RGS5: variants seen among roughly 807,000 people sequenced by gnomAD.
RGS5 encodes regulator of G-protein signalling 5.
In RGS5, 20 loss-of-function variants were observed where a neutral mutation model predicts 18.9. That is an observed-to-expected ratio of 1.06 (90% CI 0.74 to 1.54). The LOEUF (loss-of-function observed/expected upper bound fraction) is 1.54, where lower values mean the gene tolerates loss of function less well. Ranked by LOEUF, RGS5 falls within the 40% of genes most tolerant of loss-of-function variation. The probability of loss-of-function intolerance (pLI) is 0.00; values close to 1 mark genes in which losing one functional copy is unlikely to be tolerated. For missense variants in RGS5, 201 were observed against 211.8 expected (o/e 0.95, Z 0.32); for synonymous variants, 57 against 76.2 (o/e 0.75, Z 1.31).
intron 1 of RGS5, among the ~76,000 whole-genome samples, chr1:163,174,240 C>T (rs1658439096): frequency 6.6e-6 from 1 of 152,174 alleles, no homozygotes; most frequent in Admixed American, 6.5e-5. Flanking sequence ...GCATTTATAT[C>T]TCCATATGTA....
chr1:163,236,127 C>T (rs10917705), intron 2 of RGS5, among the ~76,000 whole-genome samples: 102 of 152,256 alleles, frequency 6.7e-4, no homozygotes, highest in African/African-American at 2.4e-3. Flanking sequence ...CATATTTCTT[C>T]TAAATTTTGT....
At position 163,164,436 on chromosome 1, in the gene RGS5, C is replaced by T. The variant is rs1657955097; in HGVS notation, c.156-2460G>A. Among the ~76,000 whole-genome samples, 3 of 152,138 alleles carry T rather than the reference C, an allele frequency of 2.0e-5. No individual in the cohort carries two copies. In the South Asian group the frequency reaches 6.2e-4, roughly 32 times the overall value. ...AATGCCTAGTATAAATGCCACCTGG[C>T]CCAGGAAGTGGCCATCTCTGCTGGA... is the stretch of plus-strand genomic sequence containing the variant. On this transcript the variant is annotated intron_variant, in intron 2 of 4. Transcript: ENST00000313961.
At chr1:163,166,514 G>C (rs538977406) in intron 2 of RGS5, among the ~76,000 whole-genome samples, 40 of 152,300 alleles carry the variant, frequency 2.6e-4, no homozygotes, top group Non-Finnish European at 4.4e-5. Flanking sequence ...GCAGAACACA[G>C]TATTTCCTGT....
At chr1:163,155,418 C>T (rs1392977801) in intron 3 of RGS5, among the ~76,000 whole-genome samples, 2 of 152,108 alleles carry the variant, frequency 1.3e-5, no homozygotes, top group African/African-American at 4.8e-5. Flanking sequence ...TTCTTTTAAC[C>T]TTTTTGTTCA....
At chr1:163,278,294 T>A (rs1571336498) in intron 2 of RGS5, among the ~76,000 whole-genome samples, 1 of 152,200 alleles carries the variant, frequency 6.6e-6, no homozygotes, top group African/African-American at 2.4e-5. Flanking sequence ...GGGATCTCCA[T>A]CAGACTAACA....
intron 1 of RGS5, among the ~76,000 whole-genome samples, chr1:163,197,390 T>C (rs1156733988): frequency 2.0e-5 from 3 of 152,158 alleles, no homozygotes; most frequent in African/African-American, 7.2e-5. Flanking sequence ...AATTCTTCCC[T>C]GCCCACTAAA....
At chr1:163,247,441 T>A (rs932973564) in intron 2 of RGS5, among the ~76,000 whole-genome samples, 4 of 149,826 alleles carry the variant, frequency 2.7e-5, no homozygotes, top group Non-Finnish European at 6.0e-5. Flanking sequence ...TAATATGTAA[T>A]CAGCAACTAT....
intron 1 of RGS5, among the ~76,000 whole-genome samples, chr1:163,210,219 G>A (rs1475605346): frequency 6.6e-6 from 1 of 151,748 alleles, no homozygotes; most frequent in Admixed American, 6.6e-5. Flanking sequence ...TGCTGGTCTC[G>A]AGCTCCTGGG....
At chr1:163,273,247 T>C (rs1648767139) in intron 2 of RGS5, among the ~76,000 whole-genome samples, 1 of 152,148 alleles carries the variant, frequency 6.6e-6, no homozygotes, top group Non-Finnish European at 1.5e-5. Flanking sequence ...GTCAGTTATA[T>C]TAAGTTGGTT....
At chr1:163,268,971 G>T (rs1324447068) in intron 2 of RGS5, among the ~76,000 whole-genome samples, 2 of 152,046 alleles carry the variant, frequency 1.3e-5, no homozygotes, top group Non-Finnish European at 2.9e-5. Context: ...AAGTTAAATG[G>T]GTAGGACCAG....
intron 2 of RGS5, among the ~76,000 whole-genome samples, chr1:163,289,510 C>T (rs150904375): frequency 2.0e-5 from 3 of 152,018 alleles, no homozygotes; most frequent in Admixed American, 1.3e-4. Context: ...ATCTTTGTTC[C>T]CTGAATTTCT....
intron 1 of RGS5, among the ~76,000 whole-genome samples, chr1:163,174,248 G>A (rs1442771781): frequency 6.6e-6 from 1 of 152,136 alleles, no homozygotes; most frequent in Non-Finnish European, 1.5e-5. Context: ...ATCTCCATAT[G>A]TATATGTATA....
intron 2 of RGS5, among the ~76,000 whole-genome samples, chr1:163,295,298 T>C (rs1365833230): frequency 6.6e-6 from 1 of 152,214 alleles, no homozygotes; most frequent in Admixed American, 6.5e-5. Context: ...AAAAAGATGC[T>C]TTAAGGCAAA....
chr1:163,166,772 C>T (rs564749886), intron 2 of RGS5, among the ~76,000 whole-genome samples: 5 of 152,334 alleles, frequency 3.3e-5, no homozygotes, highest in Non-Finnish European at 7.4e-5. Flanking sequence ...AACAGCTTCT[C>T]TCTGAATCCC....
At chr1:163,267,214 A>C (rs968989454) in intron 2 of RGS5, 3 of 152,088 alleles carry the variant, frequency 2.0e-5, no homozygotes, top group African/African-American at 7.2e-5. Flanking sequence ...AGAGAACTTG[A>C]GGGTGTACAT....
At chr1:163,233,729 C>A (rs1315787400) in intron 2 of RGS5, among the ~76,000 whole-genome samples, 3 of 151,958 alleles carry the variant, frequency 2.0e-5, no homozygotes, top group Non-Finnish European at 2.9e-5. Context: ...AGTGCATTCT[C>A]AAGGGAGGGA....
chr1:163,310,701 T>C (rs192252533), intron 1 of RGS5, among the ~76,000 whole-genome samples: 6 of 152,330 alleles, frequency 3.9e-5, no homozygotes, highest in Admixed American at 3.9e-4. Flanking sequence ...CTGCATAATC[T>C]GTTGCAGCTT....
intron 1 of RGS5, among the ~76,000 whole-genome samples, chr1:163,191,264 TG>T (rs1488270446): frequency 1.6e-4 from 25 of 151,990 alleles, no homozygotes; most frequent in Admixed American, 1.6e-3. Flanking sequence ...GGGCTACAAA[TG>T]GGTCTTGACA....
At chr1:163,194,644 A>G (rs1659491270) in intron 1 of RGS5, among the ~76,000 whole-genome samples, 1 of 152,072 alleles carries the variant, frequency 6.6e-6, no homozygotes, top group African/African-American at 2.4e-5. Flanking sequence ...GTCTAAAAAG[A>G]CTGTGTTTTT....
Sources: gnomAD v4.1 joint callset for allele counts (sites outside exome capture counted in the v4.1 genomes callset) on GRCh38, gnomAD v4.1.1 for gene constraint, MANE v1.5 for transcripts, NCBI Gene and HGNC (gene_info 2026-07-23, HGNC 2026-07-21) for gene names.